The following ANKRD16 variants were observed in gnomAD, a reference collection of about 807,000 sequenced individuals.
ANKRD16 encodes the protein ankyrin repeat domain 16.
In ANKRD16, 35 loss-of-function variants were observed where a neutral mutation model predicts 37.9. The ratio of observed to expected loss-of-function variants is 0.92; its 90% confidence interval spans 0.71 to 1.23. The LOEUF (loss-of-function observed/expected upper bound fraction) is 1.23. Ranked by LOEUF, ANKRD16 falls within the 50% of genes most tolerant of loss-of-function variation. The pLI, the probability that ANKRD16 is intolerant of heterozygous loss-of-function variation, is 0.00. For missense variants in ANKRD16, 480 were observed against 469.9 expected (o/e 1.02, Z -0.20); for synonymous variants, 206 against 197.2 (o/e 1.04, Z -0.37).
At chr10:5,879,531 G>C (rs1842250786) in intron 6 of ANKRD16, among the ~76,000 whole-genome samples, 1 of 151,766 alleles carries the variant, frequency 6.6e-6, no homozygotes, top group African/African-American at 2.4e-5. Context: ...GAATGTTAGA[G>C]GGTTTATTTT....
In ANKRD16 at chr10:5,874,869, A is replaced by G. The variant is rs1285469051; in HGVS notation, c.*33+3228T>C. Among the ~76,000 whole-genome samples the G allele has an allele frequency of 2.6e-5, 4 of 152,208 alleles. No homozygotes were observed. The highest frequency in any genetic ancestry group is 9.7e-5 in the African/African-American group (4 of 41,436). ...ATGCTGGAGACAGAAGCTGGTACGC[A>G]TGAGCACGGAGGGCCAGCCTGACAG... is the stretch of plus-strand genomic sequence containing the variant. On this transcript the variant is annotated intron_variant, in intron 7 of 7. Coordinates refer to ENST00000380094, the MANE Select transcript of ANKRD16 (RefSeq NM_019046.3). The surrounding 1 kb of genome is among the most constrained non-coding windows in gnomAD (Gnocchi z 4.7).
chr10:5,877,574 A>C (rs1842203674), intron 7 of ANKRD16, among the ~76,000 whole-genome samples: 1 of 152,260 alleles, frequency 6.6e-6, no homozygotes, highest in Admixed American at 6.5e-5. Flanking sequence ...TGCCTGTGTA[A>C]ACAGATTATA....
In ANKRD16 at chr10:5,862,550, C is replaced by A. The variant is rs548775578; in HGVS notation, c.*175G>T. 27 of 1,244,734 alleles carry A rather than the reference C, an allele frequency of 2.2e-5. No homozygotes were observed. In the East Asian group the frequency reaches 1.4e-3, roughly 65 times the overall value. 77.1% of individuals were successfully genotyped at this position (1,244,734 alleles called of 1,614,324 possible). A position where few individuals can be genotyped will look rare whatever the true frequency, so the allele number is the denominator to read the frequency against. ...TGGCACTGACTTCACCACTGGTACA[C>A]CTCAGATATACAACTTTGATCTCGC... On this transcript the variant is annotated 3_prime_UTR_variant, in exon 8 of 8. Coordinates refer to ENST00000380094, the MANE Select transcript of ANKRD16 (RefSeq NM_019046.3). The surrounding 1 kb of genome is among the most constrained non-coding windows in gnomAD (Gnocchi z 6.5).
intron 3 of ANKRD16, 29 bp from the exon 4 acceptor site, chr10:5,884,106 A>C (rs1480657513): frequency 8.2e-6 from 13 of 1,586,148 alleles, no homozygotes; most frequent in Non-Finnish European, 1.1e-5. Context: ...GTAAGAGCTG[A>C]GAAAATTCAA....
Position 5,884,056 on chromosome 10 carries a change from G to A in ANKRD16, c.600C>T (p.Tyr200=), listed in dbSNP as rs754222541. ...LLKRCQYEPD[Y]RDNCGVTALM... is the part of the protein sequence containing the mutation. The stretch of plus-strand genomic sequence containing the variant: ...AGGCGGTGACGCCACAGTTGTCTCT[G>A]TAGTCTGGTTCATATTGGCACCTAG... Residue 200 remains tyrosine, a synonymous_variant, in exon 4 of 8, where the codon TAC becomes TAT. Transcript: ENST00000380094. 1.7e-5 allele frequency: 28 copies of A among 1,613,962 alleles called. No individual in the cohort carries two copies. Among genetic ancestry groups the A allele is most frequent in the Non-Finnish European group, 1.5e-5 (18 of 1,180,030 alleles).
chr10:5,870,360 C>T lies in ANKRD16; in HGVS notation c.*34-7669G>A, dbSNP rs1407177351. ...GTTGGCTCTTGGCCTCTCTTCCCTG[C>T]GACTCTGCCCGGGCACCAGCCAGTC... On this transcript the variant is annotated intron_variant, in intron 7 of 7. Coordinates refer to ENST00000380094, the MANE Select transcript of ANKRD16 (RefSeq NM_019046.3). This position sits in a 1 kb window ranked among gnomAD's most constrained non-coding sequence, Gnocchi z 5.0. Among the ~76,000 whole-genome samples, 2 of 151,520 alleles carry T rather than the reference C, an allele frequency of 1.3e-5. No homozygotes were observed. The highest frequency in any genetic ancestry group is 6.6e-5 in the Admixed American group (1 of 15,220).
Position 5,887,878 on chromosome 10 carries a change from GCTCT to G in ANKRD16, c.500_503del (p.Glu167AlafsTer42), listed in dbSNP as rs761937582. ...TATGCAGAGGAGTCCTTCTAATTTT[GCTCT>G]CTGTCTTCCAGGCACCTGGGCAAAC... On this transcript the variant is annotated frameshift_variant, in exon 2 of 8. Transcript: ENST00000380094. LOFTEE classifies it high-confidence loss of function. The G allele has an allele frequency of 1.9e-5, 30 of 1,613,984 alleles. No individual in the cohort carries two copies. Among genetic ancestry groups the G allele is most frequent in the Middle Eastern group, 3.3e-4 (2 of 5,984 alleles).
At chr10:5,867,750 T>G (rs1215835900) in intron 7 of ANKRD16, among the ~76,000 whole-genome samples, 1 of 152,162 alleles carries the variant, frequency 6.6e-6, no homozygotes, top group East Asian at 1.9e-4. Context: ...ATAGCCAGTT[T>G]ATCTACTTCA....
At chr10:5,887,094 T>C (rs1842435796) in intron 2 of ANKRD16, among the ~76,000 whole-genome samples, 2 of 152,322 alleles carry the variant, frequency 1.3e-5, no homozygotes, top group South Asian at 4.1e-4. Context: ...GTGCCAAGCA[T>C]TGTCTAAAGG....
At chr10:5,881,748 T>C (rs955186898) in intron 5 of ANKRD16, among the ~76,000 whole-genome samples, 9 of 147,652 alleles carry the variant, frequency 6.1e-5, no homozygotes, top group Non-Finnish European at 1.2e-4. Context: ...AGTGCGGTGG[T>C]GCGATCTCGG....
rs41306822 is a variant in ANKRD16 at position 5,882,645 on chromosome 10, G to A, written c.849+361C>T. 6.9e-3 allele frequency: 1,151 copies of A among 166,414 alleles called. 5 individuals carry two copies. Among genetic ancestry groups the A allele is most frequent in the Non-Finnish European group, 0.011 (879 of 76,934 alleles). The allele number at this position is 166,414 out of a possible 1,614,324, so 10.3% of individuals were successfully genotyped here. On this transcript the variant is annotated intron_variant, in intron 5 of 7. Coordinates refer to ENST00000380094, the MANE Select transcript of ANKRD16 (RefSeq NM_019046.3). The stretch of plus-strand genomic sequence containing the variant: ...AGAGCCTAGTAAATGCAATTCTCTT[G>A]CCCTGGCTGAAGAGTTCTTAACTTC...
intron 5 of ANKRD16, among the ~76,000 whole-genome samples, chr10:5,881,438 T>TTATAAAAAAATATATATATATA (rs1422263395): frequency 2.0e-5 from 1 of 51,026 alleles, no homozygotes. Context: ...AAAATATTAT[T>TTATAAAAAAATATATATATATA]TATATATATA....
chr10:5,879,115 G>A (rs1842238100), intron 6 of ANKRD16, among the ~76,000 whole-genome samples: 1 of 152,180 alleles, frequency 6.6e-6, no homozygotes, highest in South Asian at 2.1e-4. Context: ...TTCCTGGGCA[G>A]AGCAGCTGCC....
rs1842089408 is a variant in ANKRD16 at position 5,871,476 on chromosome 10, G to A, written c.*33+6621C>T. Among the ~76,000 whole-genome samples, 1 of 152,100 alleles carries A rather than the reference G, an allele frequency of 6.6e-6. No individual in the cohort carries two copies. The highest frequency in any genetic ancestry group is 2.4e-5 in the African/African-American group (1 of 41,422). On this transcript the variant is annotated intron_variant, in intron 7 of 7. Coordinates refer to ENST00000380094, the MANE Select transcript of ANKRD16 (RefSeq NM_019046.3). The surrounding 1 kb of genome is among the most constrained non-coding windows in gnomAD (Gnocchi z 4.5). The stretch of plus-strand genomic sequence containing the variant: ...CTGAAAGAGTGTAATTTAAAAAAGT[G>A]TAAAAACTGCCAAATGTAAGTCCAC...
rs756879380 is a variant in ANKRD16 at position 5,887,968 on chromosome 10, C to A, written c.414G>T (p.Trp138Cys). The change falls in exon 2 of 8, where the codon TGG (tryptophan) becomes TGT (cysteine). Residue 138 changes from tryptophan to cysteine, a missense_variant. Transcript: ENST00000380094. ...CTCGACTGGCAATGTGGAAACTGTT[C>A]CAGCCATCTTTGTTCTTCAGGAGTG... ...ANPLLKNKDGWNSFHIASREG... is the reference protein window; with the variant it reads ...ANPLLKNKDGCNSFHIASREG... 5 of 1,614,090 alleles carry A rather than the reference C, an allele frequency of 3.1e-6. No homozygotes were observed. The East Asian group carries it at 6.7e-5, about 22-fold the overall frequency.
chr10:5,880,175 TAAAAAAAAA>T (rs56264154), intron 6 of ANKRD16, 114 bp downstream of exon 6: 2,009 of 112,004 alleles, frequency 0.018, no homozygotes, highest in South Asian at 0.041. Context: ...CCACCACCAC[TAAAAAAAAA>T]AAAAAAAAAA....
In ANKRD16 at chr10:5,874,906, G is replaced by A. The variant is rs1474907994; in HGVS notation, c.*33+3191C>T. Reference sequence around the variant, plus strand: ...GGCCAGCCTGACAGAGGAGTGCAGAGGCAGAGAAGGAAAAGGCAGAAAGAA... The same window carrying A: ...GGCCAGCCTGACAGAGGAGTGCAGAAGCAGAGAAGGAAAAGGCAGAAAGAA... On this transcript the variant is annotated intron_variant, in intron 7 of 7. Coordinates refer to ENST00000380094, the MANE Select transcript of ANKRD16 (RefSeq NM_019046.3). The surrounding 1 kb of genome is among the most constrained non-coding windows in gnomAD (Gnocchi z 4.7). 6.6e-6 allele frequency among the ~76,000 whole-genome samples: 1 copy of A among 152,132 alleles called. No homozygotes were observed. Among genetic ancestry groups the A allele is most frequent in the Non-Finnish European group, 1.5e-5 (1 of 68,030 alleles).
rs1315012398 is a variant in ANKRD16 at position 5,866,560 on chromosome 10, T to C, written c.*34-3869A>G. 6.6e-6 allele frequency among the ~76,000 whole-genome samples: 1 copy of C among 152,188 alleles called. No homozygotes were observed. The highest frequency in any genetic ancestry group is 2.4e-5 in the African/African-American group (1 of 41,428). On this transcript the variant is annotated intron_variant, in intron 7 of 7. Coordinates refer to ENST00000380094, the MANE Select transcript of ANKRD16 (RefSeq NM_019046.3). This position sits in a 1 kb window ranked among gnomAD's most constrained non-coding sequence, Gnocchi z 4.3. ...ATGCTTATCTAATCCTACATGCCCA[T>C]GCTGCAATATGGAAAGAAAGGGGGT... is the stretch of plus-strand genomic sequence containing the variant.
intron 3 of ANKRD16, among the ~76,000 whole-genome samples, chr10:5,885,154 T>C (rs1272516920): frequency 1.3e-5 from 2 of 152,186 alleles, no homozygotes; most frequent in African/African-American, 4.8e-5. Context: ...TTGTGGCCCT[T>C]GCACCTGGTA....
Sources: gnomAD v4.1 joint callset for allele counts (sites outside exome capture counted in the v4.1 genomes callset) on GRCh38, gnomAD v4.1.1 for gene constraint, Gnocchi (gnomAD v3.1) non-coding constraint, MANE v1.5 for transcripts, NCBI Gene and HGNC (gene_info 2026-07-23, HGNC 2026-07-21) for gene names.